TOPAZ1: variants seen among roughly 807,000 people sequenced by gnomAD.
TOPAZ1 encodes protein TOPAZ1.
Under a neutral mutation model 172.2 loss-of-function variants are expected in TOPAZ1, and 66 were observed. The observed-to-expected ratio is 0.38, with a 90% CI of 0.31 to 0.47. TOPAZ1 has a LOEUF of 0.47. TOPAZ1 is among the 20% of genes least tolerant of loss of function. The pLI is 0.99. For missense variants in TOPAZ1, 1,822 were observed against 1,972.4 expected (o/e 0.92, Z 1.44); for synonymous variants, 681 against 683.9 (o/e 1.00, Z 0.07).
chr3:44,243,710 G>A lies in TOPAZ1; in HGVS notation c.1204G>A (p.Val402Ile). ...MDHLLSVPET[V>I]EKETSSEHHV... ...TCATTTATTAAGTGTCCCAGAAACA[G>A]TAGAAAAAGAAACAAGTTCTGAACA... is the stretch of plus-strand genomic sequence containing the variant. The change falls in exon 2 of 20, where the codon GTA becomes ATA. Residue 402 changes from valine (V) to isoleucine (I), a missense_variant. Coordinates refer to ENST00000309765, the MANE Select transcript of TOPAZ1 (RefSeq NM_001145030.2). 6.4e-7 allele frequency: 1 copy of A among 1,550,584 alleles called. No homozygotes were observed. Among genetic ancestry groups the A allele is most frequent in the Non-Finnish European group, 8.7e-7 (1 of 1,146,828 alleles).
Position 44,244,421 on chromosome 3 carries a change from C to T in TOPAZ1, c.1915C>T (p.Leu639Phe). The T allele has an allele frequency of 6.4e-7, 1 of 1,550,968 alleles. No individual in the cohort carries two copies. Among genetic ancestry groups the T allele is most frequent in the Non-Finnish European group, 8.7e-7 (1 of 1,146,790 alleles). Residue 639 changes from leucine to phenylalanine, a missense_variant, in exon 2 of 20, where the codon CTT becomes TTT. Leu to Phe is a conservative substitution (Grantham distance 22). Around this residue, in one of 2 missense-constraint regions of TOPAZ1, gnomAD observed 1,489 missense variants for 1,490.8 expected, o/e 1.00. Transcript: ENST00000309765. The part of the protein sequence containing the change: ...KKKARGNLTK[L>F]NLTATSKDGQ... ...AAAAGCTAGAGGAAATTTAACGAAA[C>T]TTAATTTGACAGCGACTTCCAAAGA... is the stretch of plus-strand genomic sequence containing the variant.
At chr3:44,326,281 G>A (rs2125706467) in intron 18 of TOPAZ1, among the ~76,000 whole-genome samples, 1 of 152,140 alleles carries the variant, frequency 6.6e-6, no homozygotes, top group South Asian at 2.1e-4. Context: ...GCCGTGTACG[G>A]GATTTCCTGT....
At chr3:44,315,917 A>G (rs1449448305) in intron 16 of TOPAZ1, among the ~76,000 whole-genome samples, 2 of 152,040 alleles carry the variant, frequency 1.3e-5, no homozygotes, top group African/African-American at 2.4e-5. Context: ...TTGAGTTTTT[A>G]TAGTAAACAT....
At chr3:44,310,524 C>T (rs1385705340) in intron 16 of TOPAZ1, among the ~76,000 whole-genome samples, 1 of 152,074 alleles carries the variant, frequency 6.6e-6, no homozygotes, top group Non-Finnish European at 1.5e-5. Context: ...AAACCTAATT[C>T]TTGCTATGGC....
chr3:44,242,979 G>A lies in TOPAZ1; in HGVS notation c.473G>A (p.Gly158Asp), dbSNP rs747795497. The change falls in exon 2 of 20, where the codon GGT (glycine) becomes GAT (aspartate). Residue 158 changes from glycine (G) to aspartate (D), a missense_variant. This residue lies in a region of TOPAZ1 where 1,489 missense variants were observed against 1,490.8 expected (regional missense o/e 1.00). Coordinates refer to ENST00000309765, the MANE Select transcript of TOPAZ1 (RefSeq NM_001145030.2). ...FQTVECLQSL[G>D]KESIIEGIKR... ...ACAGTGGAATGCTTGCAGTCTTTGG[G>A]TAAGGAAAGTATAATAGAAGGTATT... 1.3e-6 allele frequency: 2 copies of A among 1,550,512 alleles called. No individual in the cohort carries two copies. The highest frequency in any genetic ancestry group is 1.7e-6 in the Non-Finnish European group (2 of 1,146,758).
intron 11 of TOPAZ1, among the ~76,000 whole-genome samples, chr3:44,289,253 C>A (rs1225601615): frequency 6.6e-6 from 1 of 152,068 alleles, no homozygotes; most frequent in Non-Finnish European, 1.5e-5. Flanking sequence ...CACCAGTGAC[C>A]CTTTCAAATG....
chr3:44,267,289 CTTT>C lies in TOPAZ1; in HGVS notation c.3160+173_3160+175del, dbSNP rs71085610. On this transcript the variant is annotated intron_variant, in intron 6 of 19. Transcript: ENST00000309765. ...AAGGTTTGTGCACCTTTACTTAGTA[CTTT>C]TTTTTTTTTTTTTTTTTTTGAGACA... 5.6e-3 allele frequency among the ~76,000 whole-genome samples: 590 copies of C among 104,616 alleles called. 3 individuals are homozygous for C. The highest frequency in any genetic ancestry group is 4.9e-3 in the Non-Finnish European group (266 of 54,126). The allele number at this position is 104,616 out of a possible 152,430, so 68.6% of individuals were successfully genotyped here.
In TOPAZ1 at chr3:44,243,709, A is replaced by C. The variant is rs1283875332; in HGVS notation, c.1203A>C (p.Thr401=). ...LMDHLLSVPE[T]VEKETSSEHH... ...ATCATTTATTAAGTGTCCCAGAAAC[A>C]GTAGAAAAAGAAACAAGTTCTGAAC... Residue 401 remains threonine (T), a synonymous_variant, in exon 2 of 20, where the codon ACA becomes ACC. Coordinates refer to ENST00000309765, the MANE Select transcript of TOPAZ1 (RefSeq NM_001145030.2). 2 of 1,550,550 alleles carry C rather than the reference A, an allele frequency of 1.3e-6. No individual in the cohort carries two copies. Among genetic ancestry groups the C allele is most frequent in the South Asian group, 2.4e-5 (2 of 83,748 alleles).
Position 44,243,855 on chromosome 3 carries a change from A to G in TOPAZ1, c.1349A>G (p.Lys450Arg), listed in dbSNP as rs75365049. ...MASKEDFKSMKSFIGKSPNEY... is the reference protein window; with the variant it reads ...MASKEDFKSMRSFIGKSPNEY... Reference sequence around the variant, plus strand: ...TCGAAAGAGGATTTTAAATCGATGAAAAGCTTCATAGGGAAATCACCTAAT... The same window carrying G: ...TCGAAAGAGGATTTTAAATCGATGAGAAGCTTCATAGGGAAATCACCTAAT... Residue 450 changes from lysine (K) to arginine (R), a missense_variant, in exon 2 of 20, where the codon AAA becomes AGA. Transcript: ENST00000309765. The G allele has an allele frequency of 1.3e-4, 201 of 1,551,814 alleles. 1 individual carries two copies. In the African/African-American group the frequency reaches 2.7e-3, roughly 21 times the overall value.
intron 14 of TOPAZ1, among the ~76,000 whole-genome samples, chr3:44,305,650 A>G (rs761395950): frequency 3.3e-5 from 5 of 152,192 alleles, no homozygotes; most frequent in African/African-American, 9.6e-5. Context: ...TATTACAGAC[A>G]TAAGTCACAG....
chr3:44,335,585 T>C (rs1173155851), downstream of TOPAZ1, among the ~76,000 whole-genome samples: 1 of 152,054 alleles, frequency 6.6e-6, no homozygotes, highest in Non-Finnish European at 1.5e-5. Flanking sequence ...GGTCATGCCA[T>C]TGCACTCCAG....
chr3:44,318,525 G>A (rs1264799551), intron 16 of TOPAZ1, among the ~76,000 whole-genome samples: 2 of 151,794 alleles, frequency 1.3e-5, no homozygotes, highest in East Asian at 3.9e-4. Context: ...GGTTTGCATA[G>A]AGAGGGGGTC....
intron 12 of TOPAZ1, among the ~76,000 whole-genome samples, chr3:44,292,879 G>A (rs757304755): frequency 6.6e-6 from 1 of 152,092 alleles, no homozygotes; most frequent in Non-Finnish European, 1.5e-5. Flanking sequence ...TCAAACACAA[G>A]CAACACAATC....
intron 8 of TOPAZ1, among the ~76,000 whole-genome samples, chr3:44,276,351 A>G (rs1699957340): frequency 6.6e-6 from 1 of 152,078 alleles, no homozygotes; most frequent in East Asian, 1.9e-4. Context: ...GATTTTGTGT[A>G]TGGTGAGAGA....
chr3:44,245,290 T>C lies in TOPAZ1; in HGVS notation c.2765+19T>C. Reference sequence around the variant, plus strand: ...ACTTAAGGTATGCATGTTCAAGTATTCCTTTTAGTGCAGATTGTTGGGGGT... The same window carrying C: ...ACTTAAGGTATGCATGTTCAAGTATCCCTTTTAGTGCAGATTGTTGGGGGT... On this transcript the variant is annotated intron_variant, in intron 2 of 19. Coordinates refer to ENST00000309765, the MANE Select transcript of TOPAZ1 (RefSeq NM_001145030.2). The C allele has an allele frequency of 6.6e-7, 1 of 1,506,360 alleles. No individual in the cohort carries two copies. Among genetic ancestry groups the C allele is most frequent in the Non-Finnish European group, 8.9e-7 (1 of 1,128,220 alleles). 93.3% of individuals were successfully genotyped at this position (1,506,360 alleles called of 1,614,324 possible). A position where few individuals can be genotyped will look rare whatever the true frequency, so the allele number is the denominator to read the frequency against.
chr3:44,313,629 A>G (rs1309933656), intron 16 of TOPAZ1, among the ~76,000 whole-genome samples: 1 of 151,848 alleles, frequency 6.6e-6, no homozygotes, highest in Non-Finnish European at 1.5e-5. Context: ...AAAAAAAAAA[A>G]AAAAAGCCCC....
At chr3:44,302,387 G>C (rs923477687) in intron 12 of TOPAZ1, among the ~76,000 whole-genome samples, 2 of 152,292 alleles carry the variant, frequency 1.3e-5, no homozygotes, top group African/African-American at 2.4e-5. Flanking sequence ...TCCAGCCTGG[G>C]TGACAGAGCA....
At chr3:44,281,220 T>A (rs538547714) in intron 8 of TOPAZ1, among the ~76,000 whole-genome samples, 1 of 152,314 alleles carries the variant, frequency 6.6e-6, no homozygotes, top group East Asian at 1.9e-4. Flanking sequence ...TTTCTTCTAC[T>A]TTCTAGCAAA....
chr3:44,268,138 G>A (rs1050728993), intron 6 of TOPAZ1, among the ~76,000 whole-genome samples: 2 of 152,108 alleles, frequency 1.3e-5, no homozygotes, highest in Admixed American at 1.3e-4. Flanking sequence ...GATGCCTGGT[G>A]TATTAGTTTG....
Sources: gnomAD v4.1 joint callset for allele counts (sites outside exome capture counted in the v4.1 genomes callset) on GRCh38, gnomAD v4.1.1 for gene constraint, gnomAD v4.1.1 regional missense constraint, MANE v1.5 for transcripts, NCBI Gene and HGNC (gene_info 2026-07-23, HGNC 2026-07-21) for gene names.